The following FHIT variants were observed in gnomAD, a reference collection of about 807,000 sequenced individuals.
FHIT encodes the protein fragile histidine triad diadenosine triphosphatase.
A neutral mutation model predicts 17.9 loss-of-function variants in FHIT; 19 were observed. That is an observed-to-expected ratio of 1.06 (90% CI 0.74 to 1.56). FHIT has a LOEUF of 1.56. Among genes scored for constraint, FHIT ranks in the 40% most tolerant of loss-of-function variants. The pLI is 0.00. For missense variants in FHIT, 248 were observed against 189.2 expected (o/e 1.31, Z -1.82); for synonymous variants, 81 against 69.7 (o/e 1.16, Z -0.81).
At chr3:61,210,707 C>G (rs982540958) in intron 1 of FHIT, among the ~76,000 whole-genome samples, 2 of 152,112 alleles carry the variant, frequency 1.3e-5, no homozygotes, top group African/African-American at 4.8e-5. Flanking sequence ...CATCTGTCAC[C>G]CCTCTCTTTT....
intron 3 of FHIT, among the ~76,000 whole-genome samples, chr3:60,996,257 A>C (rs1575813837): frequency 1.3e-5 from 2 of 152,304 alleles, no homozygotes; most frequent in Middle Eastern, 3.4e-3. Flanking sequence ...TTTTGCTTTC[A>C]ACAGGTTATC....
chr3:59,886,885 A>G (rs1703646849), intron 8 of FHIT, among the ~76,000 whole-genome samples: 1 of 152,158 alleles, frequency 6.6e-6, no homozygotes, highest in Non-Finnish European at 1.5e-5. Flanking sequence ...TGTCTATTAG[A>G]CATTCATTTA....
At chr3:61,140,508 T>G (rs1473644) in intron 2 of FHIT, among the ~76,000 whole-genome samples, 74,298 of 151,862 alleles carry the variant, frequency 0.49, 18,955 homozygotes, top group East Asian at 0.86. Flanking sequence ...GCGTGGGTAA[T>G]CTCCTTGAGG....
intron 5 of FHIT, among the ~76,000 whole-genome samples, chr3:60,416,965 TGTAGTCC>T (rs879429717): frequency 9.9e-5 from 15 of 151,834 alleles, no homozygotes; most frequent in Non-Finnish European, 1.6e-4. Flanking sequence ...GGCAGGCGCC[TGTAGTCC>T]CAGCTACTCG....
At chr3:61,131,179 A>G (rs921563228) in intron 2 of FHIT, among the ~76,000 whole-genome samples, 25 of 152,132 alleles carry the variant, frequency 1.6e-4, no homozygotes, top group Admixed American at 1.3e-4. Context: ...AATAAATACC[A>G]TATCATATTC....
At chr3:61,095,298 T>C (rs1454986782) in intron 2 of FHIT, among the ~76,000 whole-genome samples, 3 of 152,180 alleles carry the variant, frequency 2.0e-5, no homozygotes, top group African/African-American at 7.2e-5. Context: ...GAAAGCCTCA[T>C]TCAAACTTTC....
intron 5 of FHIT, among the ~76,000 whole-genome samples, chr3:60,288,605 G>GT: frequency 6.7e-6 from 1 of 150,284 alleles, no homozygotes; most frequent in South Asian, 2.1e-4. Context: ...GTGTGTGTGT[G>GT]GAGGGGGGTG....
rs150057187 is a variant in FHIT at position 59,822,550 on chromosome 3, G to A, written c.349-70229C>T. On this transcript the variant is annotated intron_variant, in intron 8 of 9. Transcript: ENST00000492590. ...TTGATTTGCATTTCCCTGATCATTA[G>A]TGATATCGAGCATTTTTTCATATAT... 2.5e-3 allele frequency among the ~76,000 whole-genome samples: 376 copies of A among 152,130 alleles called. 2 individuals carry two copies. The highest frequency in any genetic ancestry group is 8.7e-3 in the African/African-American group (362 of 41,418).
rs142733851 is a variant in FHIT, at chr3:60,141,717, G to C, written c.104-127565C>G. On this transcript the variant is annotated intron_variant, in intron 5 of 9. Coordinates refer to ENST00000492590, the MANE Select transcript of FHIT (RefSeq NM_002012.4). ...AATGAATGTTTTGAGCAGGTGTTTG[G>C]AATTGTGCTGATTTATCCATATTTT... 1.7e-3 allele frequency among the ~76,000 whole-genome samples: 253 copies of C among 152,252 alleles called. 2 individuals carry two copies. The highest frequency in any genetic ancestry group is 5.8e-3 in the African/African-American group (240 of 41,562).
intron 5 of FHIT, among the ~76,000 whole-genome samples, chr3:60,252,028 G>A (rs1705736832): frequency 2.0e-5 from 3 of 152,178 alleles, no homozygotes; most frequent in Admixed American, 6.5e-5. Context: ...AAAATTTTAT[G>A]TCATGAGTAC....
intron 3 of FHIT, among the ~76,000 whole-genome samples, chr3:60,972,121 C>T (rs923564840): frequency 1.3e-5 from 2 of 152,142 alleles, no homozygotes; most frequent in Non-Finnish European, 2.9e-5. Context: ...CTAAACATTA[C>T]TTTGATTGTT....
chr3:60,704,865 A>AAG (rs1391597453), intron 4 of FHIT, among the ~76,000 whole-genome samples: 2 of 147,034 alleles, frequency 1.4e-5, no homozygotes, highest in Non-Finnish European at 2.9e-5. Flanking sequence ...CTTCTCAGAG[A>AAG]TATCTTGAGA....
chr3:60,532,326 G>GC (rs1359895439), intron 5 of FHIT, among the ~76,000 whole-genome samples: 1 of 152,130 alleles, frequency 6.6e-6, no homozygotes, highest in Admixed American at 6.6e-5. Flanking sequence ...TACAATGAAA[G>GC]CCCCAGTCTT....
intron 5 of FHIT, among the ~76,000 whole-genome samples, chr3:60,084,644 G>A (rs772143364): frequency 3.3e-4 from 50 of 152,220 alleles, no homozygotes; most frequent in Admixed American, 1.8e-3. Flanking sequence ...AAAAAGATGA[G>A]ACAGAGAAAA....
chr3:60,802,164 T>C (rs1701214539), intron 4 of FHIT, among the ~76,000 whole-genome samples: 1 of 152,230 alleles, frequency 6.6e-6, no homozygotes, highest in South Asian at 2.1e-4. Context: ...TTCATGGTAA[T>C]TGGCATATTC....
At chr3:61,182,113 G>C (rs1273642041) in intron 2 of FHIT, among the ~76,000 whole-genome samples, 5 of 152,194 alleles carry the variant, frequency 3.3e-5, no homozygotes, top group Non-Finnish European at 7.3e-5. Context: ...AGAAAGCTTG[G>C]TGTGGTATGA....
chr3:60,443,045 G>A (rs2031031207), intron 5 of FHIT, among the ~76,000 whole-genome samples: 1 of 152,166 alleles, frequency 6.6e-6, no homozygotes, highest in Middle Eastern at 3.4e-3. Flanking sequence ...ATTGTGAATG[G>A]GAGTTCACTC....
chr3:60,874,981 TGA>T (rs1173345568), intron 3 of FHIT, among the ~76,000 whole-genome samples: 1 of 152,164 alleles, frequency 6.6e-6, no homozygotes, highest in Non-Finnish European at 1.5e-5. Flanking sequence ...TGTGAGTCTA[TGA>T]GAGAGAAATG....
intron 5 of FHIT, among the ~76,000 whole-genome samples, chr3:60,169,628 G>C (rs1453900570): frequency 3.3e-5 from 5 of 152,174 alleles, no homozygotes; most frequent in African/African-American, 1.2e-4. Flanking sequence ...ATAATCCTGA[G>C]TATATTTTGG....
Sources: gnomAD v4.1 joint callset for allele counts (sites outside exome capture counted in the v4.1 genomes callset) on GRCh38, gnomAD v4.1.1 for gene constraint, MANE v1.5 for transcripts, NCBI Gene and HGNC (gene_info 2026-07-23, HGNC 2026-07-21) for gene names.